The following DGKB variants were observed in gnomAD, a reference collection of about 807,000 sequenced individuals.
DGKB encodes the protein 90 kDa diacylglycerol kinase.
A neutral mutation model predicts 114.3 loss-of-function variants in DGKB; 67 were observed. That is an observed-to-expected ratio of 0.59 (90% confidence interval 0.48 to 0.72). The LOEUF (loss-of-function observed/expected upper bound fraction) is 0.72. Ranked by LOEUF, DGKB falls within the 30% of genes least tolerant of loss-of-function variation. The pLI is 0.00. For missense variants in DGKB, 907 were observed against 975.2 expected (o/e 0.93, Z 0.93); for synonymous variants, 398 against 323.1 (o/e 1.23, Z -2.49).
At chr7:14,267,206 T>C (rs1299475922) in intron 23 of DGKB, among the ~76,000 whole-genome samples, 1 of 152,200 alleles carries the variant, frequency 6.6e-6, no homozygotes, top group Non-Finnish European at 1.5e-5. Flanking sequence ...GGCCAGATCT[T>C]AGGAGAGTGG....
intron 6 of DGKB, among the ~76,000 whole-genome samples, chr7:14,714,726 A>T (rs561968362): frequency 2.0e-5 from 3 of 152,276 alleles, no homozygotes; most frequent in South Asian, 4.1e-4. Flanking sequence ...TAACCCAAAG[A>T]ATTATATTTT....
At chr7:14,371,418 G>A (rs1817627325) in intron 21 of DGKB, among the ~76,000 whole-genome samples, 1 of 152,130 alleles carries the variant, frequency 6.6e-6, no homozygotes, top group Non-Finnish European at 1.5e-5. Flanking sequence ...TTTCTCTGAT[G>A]ATTAGTGATG....
intron 20 of DGKB, among the ~76,000 whole-genome samples, chr7:14,522,686 C>A (rs1458390766): frequency 6.6e-6 from 1 of 152,128 alleles, no homozygotes; most frequent in East Asian, 1.9e-4. Context: ...TATTCATAAA[C>A]ACTTAGTTGG....
chr7:14,968,314 A>C (rs1787279840), intron 1 of DGKB, among the ~76,000 whole-genome samples: 1 of 152,090 alleles, frequency 6.6e-6, no homozygotes, highest in South Asian at 2.1e-4. Context: ...TCTTTGATCT[A>C]TTGTGTTTGT....
intron 2 of DGKB, among the ~76,000 whole-genome samples, chr7:14,815,614 T>C (rs1307775041): frequency 6.6e-6 from 1 of 152,234 alleles, no homozygotes; most frequent in East Asian, 1.9e-4. Flanking sequence ...ATGTGCCTTG[T>C]TCTCTTCTAG....
chr7:14,399,592 G>A (rs746223434), intron 21 of DGKB, among the ~76,000 whole-genome samples: 1 of 151,780 alleles, frequency 6.6e-6, no homozygotes, highest in Non-Finnish European at 1.5e-5. Context: ...TGATTACTAT[G>A]TATAGTGACT....
chr7:14,443,240 C>T (rs944595758), intron 21 of DGKB, among the ~76,000 whole-genome samples: 1 of 152,024 alleles, frequency 6.6e-6, no homozygotes, highest in South Asian at 2.1e-4. Flanking sequence ...ACCTTAGAAC[C>T]ATCAGATCCC....
intron 1 of DGKB, among the ~76,000 whole-genome samples, chr7:14,955,049 G>T (rs1474593584): frequency 6.6e-6 from 1 of 152,062 alleles, no homozygotes; most frequent in Non-Finnish European, 1.5e-5. Context: ...GTCTGGAAGA[G>T]CTCCCAGCTG....
intron 6 of DGKB, among the ~76,000 whole-genome samples, chr7:14,704,389 A>G (rs1441187474): frequency 6.7e-6 from 1 of 148,306 alleles, no homozygotes; most frequent in Non-Finnish European, 1.5e-5. Flanking sequence ...CGGAGCTTGC[A>G]GTGAGCCGAG....
intron 6 of DGKB, among the ~76,000 whole-genome samples, chr7:14,710,501 T>A (rs946829855): frequency 3.9e-5 from 6 of 152,152 alleles, no homozygotes; most frequent in African/African-American, 1.4e-4. Flanking sequence ...CTTGCCTTAT[T>A]GCCATGAGCA....
chr7:14,926,192 A>AT (rs886502424), intron 1 of DGKB, among the ~76,000 whole-genome samples: 24 of 151,922 alleles, frequency 1.6e-4, no homozygotes, highest in Non-Finnish European at 2.9e-4. Flanking sequence ...CATTTCATAC[A>AT]TTTTTTTCAC....
intron 1 of DGKB, among the ~76,000 whole-genome samples, chr7:14,889,083 T>C (rs913003622): frequency 2.0e-5 from 3 of 151,714 alleles, no homozygotes; most frequent in Admixed American, 2.0e-4. Context: ...AAAAAGGCTG[T>C]TCAGGTTCCA....
chr7:14,238,718 T>C lies in DGKB; in HGVS notation c.2123-60567A>G, dbSNP rs988858627. Among the ~76,000 whole-genome samples, 10 of 151,838 alleles carry C rather than the reference T, an allele frequency of 6.6e-5. 1 individual carries two copies. Among genetic ancestry groups the C allele is most frequent in the African/African-American group, 2.4e-4 (10 of 41,350 alleles). ...TAGGCAGGGTAGTTACAGGCAATCCTCTCTATGTGGGATGTCTGGGTGGTT... is the reference window on the plus strand; with the variant it reads ...TAGGCAGGGTAGTTACAGGCAATCCCCTCTATGTGGGATGTCTGGGTGGTT... On this transcript the variant is annotated intron_variant, in intron 23 of 25. Coordinates refer to ENST00000402815, the MANE Select transcript of DGKB (RefSeq NM_001350709.2).
At chr7:14,539,461 T>C (rs1330953476) in intron 20 of DGKB, among the ~76,000 whole-genome samples, 3 of 152,156 alleles carry the variant, frequency 2.0e-5, no homozygotes, top group Non-Finnish European at 4.4e-5. Flanking sequence ...ATAAAAGTGA[T>C]TGTATAACTT....
intron 23 of DGKB, among the ~76,000 whole-genome samples, chr7:14,193,631 G>A (rs550876156): frequency 6.6e-6 from 1 of 152,174 alleles, no homozygotes; most frequent in Admixed American, 6.5e-5. Context: ...ATGACGTTAG[G>A]GTGGGCAAGG....
In DGKB at chr7:14,561,332, A is replaced by G. The variant is rs538893831; in HGVS notation, c.1770+12880T>C. Among the ~76,000 whole-genome samples the G allele has an allele frequency of 6.6e-5, 10 of 152,132 alleles. 1 individual carries two copies. The Middle Eastern group carries it at 0.014, about 207-fold the overall frequency. ...GTGAATCTGTGAGTTTATTAACCCT[A>G]TTTTTCTTTATAAATTACACAGTCT... is the stretch of plus-strand genomic sequence containing the variant. On this transcript the variant is annotated intron_variant, in intron 20 of 25. Transcript: ENST00000402815.
intron 1 of DGKB, among the ~76,000 whole-genome samples, chr7:14,864,126 T>C (rs1054458010): frequency 6.6e-6 from 1 of 151,220 alleles, no homozygotes; most frequent in African/African-American, 2.4e-5. Context: ...AAAGGGAACA[T>C]TGACACTGGA....
rs189090087 is a variant in DGKB at position 14,726,933 on chromosome 7, G to A, written c.323-8248C>T. ...CCATTTCCACAGAGCTTTCATTCCA[G>A]GGGATCAAAGCAAGTGTCCAACACC... is the stretch of plus-strand genomic sequence containing the variant. On this transcript the variant is annotated intron_variant, in intron 5 of 25. Coordinates refer to ENST00000402815, the MANE Select transcript of DGKB (RefSeq NM_001350709.2). Among the ~76,000 whole-genome samples the A allele has an allele frequency of 9.8e-5, 15 of 152,304 alleles. No homozygotes were observed. The East Asian group carries it at 1.9e-3, about 20-fold the overall frequency.
At chr7:14,370,622 C>T (rs1817475966) in intron 21 of DGKB, among the ~76,000 whole-genome samples, 1 of 152,002 alleles carries the variant, frequency 6.6e-6, no homozygotes, top group Non-Finnish European at 1.5e-5. Context: ...TTGTAATTAT[C>T]CTTGAAGAGG....
Sources: allele counts gnomAD v4.1 joint callset (sites outside exome capture counted in the v4.1 genomes callset), GRCh38; gene constraint gnomAD v4.1.1; transcripts MANE v1.5; gene names NCBI Gene and HGNC (gene_info 2026-07-23, HGNC 2026-07-21).